Variants in CDKL5 observed in about 807,000 individuals in gnomAD.
CDKL5 encodes cyclin-dependent kinase-like 5.
In CDKL5, 8 loss-of-function variants were observed where a neutral mutation model predicts 61.7. The ratio of observed to expected loss-of-function variants is 0.13; its 90% CI spans 0.08 to 0.23. The LOEUF (loss-of-function observed/expected upper bound fraction) is 0.23. Ranked by LOEUF, CDKL5 falls within the 10% of genes least tolerant of loss-of-function variation. The pLI, the probability that CDKL5 is intolerant of heterozygous loss-of-function variation, is 1.00. For missense variants in CDKL5, 440 were observed against 734.5 expected (o/e 0.60, Z 4.63); for synonymous variants, 275 against 272.3 (o/e 1.01, Z -0.10).
intron 19 of CDKL5, among the ~76,000 whole-genome samples, chrX:18,645,658 C>T (rs1927742276): frequency 9.0e-6 from 1 of 111,409 alleles, no homozygotes; most frequent in African/African-American, 3.3e-5. Context: ...CACACCTCAA[C>T]TACTCTCCCT....
intron 1 of CDKL5, among the ~76,000 whole-genome samples, chrX:18,444,856 C>T (rs1242652363): frequency 9.0e-6 from 1 of 111,363 alleles, no homozygotes; most frequent in Non-Finnish European, 1.9e-5. Context: ...GTGTGGTGTG[C>T]AGTATTTGAC....
chrX:18,623,884 T>G, intron 16 of CDKL5: 1 of 745,117 alleles, frequency 1.3e-6, no homozygotes, highest in Non-Finnish European at 1.6e-6. Context: ...TGCAGACAGA[T>G]TCCACCAACG....
chrX:18,502,811 A>T (rs768260837), intron 1 of CDKL5, among the ~76,000 whole-genome samples: 1 of 111,977 alleles, frequency 8.9e-6, no homozygotes, highest in African/African-American at 3.2e-5. Context: ...CCTACCCTCA[A>T]AGCCTAGTGC....
chrX:18,506,051 T>C (rs888578009), intron 1 of CDKL5, among the ~76,000 whole-genome samples: 1 of 113,025 alleles, frequency 8.8e-6, no homozygotes, highest in Non-Finnish European at 1.9e-5. Context: ...TTAAAAAAAT[T>C]ATATGGGTTA....
intron 3 of CDKL5, among the ~76,000 whole-genome samples, chrX:18,555,732 T>G (rs1924579057): frequency 8.9e-6 from 1 of 112,418 alleles, no homozygotes; most frequent in Admixed American, 9.4e-5. Flanking sequence ...TACCAGGTTG[T>G]AGACTTCTAT....
chrX:18,446,511 T>A (rs1380872064), intron 1 of CDKL5, among the ~76,000 whole-genome samples: 1 of 112,339 alleles, frequency 8.9e-6, no homozygotes, highest in Non-Finnish European at 1.9e-5. Context: ...ATTTAAAAAA[T>A]GGATTTGTTT....
chrX:18,599,647 G>A (rs1288297252), intron 11 of CDKL5, among the ~76,000 whole-genome samples: 1 of 110,659 alleles, frequency 9.0e-6, no homozygotes, highest in Non-Finnish European at 1.9e-5. Flanking sequence ...TAGAGATGGG[G>A]TCTCACTGTG....
rs748718576 is a variant in CDKL5, at chrX:18,438,997, A to T, written c.-163+13302A>T. ...CAGTATGTGGCACATTGCCTTGCAC[A>T]TAGGAAGTGCTCAATAAACACTTCC... On this transcript the variant is annotated intron_variant, in intron 1 of 17. Transcript: ENST00000623535. Among the ~76,000 whole-genome samples, 48 of 105,239 alleles carry T rather than the reference A, an allele frequency of 4.6e-4. No individual in the cohort carries two copies. In the South Asian group the frequency reaches 0.022, roughly 48 times the overall value. The allele number at this position is 105,239 out of a possible 115,157, so 91.4% of individuals were successfully genotyped here.
At chrX:18,642,050 A>T (rs757697856), downstream of CDKL5, 1 of 1,211,504 alleles carries the variant, frequency 8.3e-7, no homozygotes, top group South Asian at 1.8e-5. Context: ...CCGGATGGCA[A>T]TGCGGACGTG....
At chrX:18,593,288 G>C (rs1444844514) in intron 9 of CDKL5, among the ~76,000 whole-genome samples, 2 of 111,835 alleles carry the variant, frequency 1.8e-5, no homozygotes, top group Admixed American at 1.9e-4. Flanking sequence ...TCACTCAAAC[G>C]CATGTAAATT....
chrX:18,590,010 T>G (rs1434338367), intron 9 of CDKL5, among the ~76,000 whole-genome samples: 1 of 112,326 alleles, frequency 8.9e-6, no homozygotes, highest in Non-Finnish European at 1.9e-5. Flanking sequence ...TAAATTTGTT[T>G]AAGTTCTTTG....
chrX:18,474,540 C>T (rs1921230883), intron 1 of CDKL5, among the ~76,000 whole-genome samples: 1 of 112,123 alleles, frequency 8.9e-6, no homozygotes, highest in Non-Finnish European at 1.9e-5. Context: ...TGCCTGAGGA[C>T]CAAAGTAAAC....
intron 2 of CDKL5, among the ~76,000 whole-genome samples, chrX:18,509,127 C>T (rs901315100): frequency 1.1e-5 from 1 of 88,683 alleles, no homozygotes; most frequent in Admixed American, 1.3e-4. Flanking sequence ...CACACACACA[C>T]AGGTTGCAGT....
At chrX:18,482,750 C>T (rs953512379) in intron 1 of CDKL5, among the ~76,000 whole-genome samples, 3 of 107,964 alleles carry the variant, frequency 2.8e-5, no homozygotes, top group Non-Finnish European at 5.7e-5. Flanking sequence ...TCTTTACTTA[C>T]GTAACTATAA....
chrX:18,503,404 G>A (rs943490110), intron 1 of CDKL5, among the ~76,000 whole-genome samples: 4 of 111,759 alleles, frequency 3.6e-5, no homozygotes, highest in Non-Finnish European at 7.5e-5. Flanking sequence ...GTCTGGTCTC[G>A]AACTCGTGAG....
intron 1 of CDKL5, among the ~76,000 whole-genome samples, chrX:18,447,295 T>A (rs1481857937): frequency 9.0e-6 from 1 of 111,212 alleles, no homozygotes; most frequent in Non-Finnish European, 1.9e-5. Context: ...GACTCCTTCG[T>A]TTTTCTCTGC....
intron 1 of CDKL5, among the ~76,000 whole-genome samples, chrX:18,504,559 T>A (rs912905149): frequency 5.7e-4 from 64 of 112,016 alleles, no homozygotes; most frequent in African/African-American, 7.8e-4. Context: ...TTGCACCAAT[T>A]TACATTTCTA....
rs770340766 is a variant in CDKL5 at position 18,604,158 on chromosome X, A to G, written c.1234A>G (p.Lys412Glu). The change falls in exon 12 of 18, where the codon AAG becomes GAG. Residue 412 changes from lysine to glutamate, a missense_variant. By Grantham distance (56) the Lys-to-Glu change is moderately conservative. Around this residue, in one of 2 missense-constraint regions of CDKL5, gnomAD observed 363 missense variants for 516.3 expected, o/e 0.70. Transcript: ENST00000623535. Reference protein sequence around the residue: ...IPHLLSPKEAKSKTEFDFNID... With the variant: ...IPHLLSPKEAESKTEFDFNID... ...ACACCTTCTTAGCCCAAAAGAAGCC[A>G]AGTCAAAAACAGAGTTTGATTTTAA... is the stretch of plus-strand genomic sequence containing the variant. 8.3e-7 allele frequency: 1 copy of G among 1,211,640 alleles called. No individual in the cohort carries two copies. Among genetic ancestry groups the G allele is most frequent in the Non-Finnish European group, 1.1e-6 (1 of 895,482 alleles).
At chrX:18,510,032 AAG>A (rs1455639946) in intron 2 of CDKL5, among the ~76,000 whole-genome samples, 4 of 110,367 alleles carry the variant, frequency 3.6e-5, no homozygotes, top group East Asian at 5.7e-4. Context: ...AAAAAAAAAA[AAG>A]AGGGGCATTT....
Sources: gnomAD v4.1 joint callset for allele counts (sites outside exome capture counted in the v4.1 genomes callset) on GRCh38, gnomAD v4.1.1 for gene constraint, gnomAD v4.1.1 regional missense constraint, MANE v1.5 for transcripts, NCBI Gene and HGNC (gene_info 2026-07-23, HGNC 2026-07-21) for gene names.